The following NOD1 variants were observed in gnomAD, a reference collection of about 807,000 sequenced individuals.
NOD1 encodes the protein nucleotide binding oligomerization domain containing 1, also known as nucleotide-binding oligomerization domain-containing protein 1.
NOD1 carries 70 observed loss-of-function variants against 81.2 expected under a neutral mutation model. The observed-to-expected ratio is 0.86, with a 90% CI of 0.71 to 1.05. The LOEUF is 1.05. Among genes scored for constraint, NOD1 ranks in the 50% least tolerant of loss-of-function variants. The pLI is 0.00. For missense variants in NOD1, 1,233 were observed against 1,228.0 expected (o/e 1.00, Z -0.06); for synonymous variants, 508 against 526.9 (o/e 0.96, Z 0.49).
chr7:30,425,807 CACACAAT>C, intron 13 of NOD1, 97 bp from the exon 14 acceptor site: 1 of 814,782 alleles, frequency 1.2e-6, no homozygotes, highest in South Asian at 1.3e-5. Context: ...ACTCGTGTAT[CACACAAT>C]ACACATGTAT....
intron 12 of NOD1, among the ~76,000 whole-genome samples, chr7:30,430,897 A>G (rs1010067959): frequency 6.6e-6 from 1 of 152,216 alleles, no homozygotes; most frequent in African/African-American, 2.4e-5. Flanking sequence ...TGGCAGAGGT[A>G]ATGACCTTCC....
chr7:30,438,392 T>C (rs1313911893), intron 9 of NOD1, among the ~76,000 whole-genome samples: 1 of 152,216 alleles, frequency 6.6e-6, no homozygotes, highest in Admixed American at 6.5e-5. Context: ...GCCCCATCTA[T>C]AAAATGGGGA....
At position 30,451,351 on chromosome 7, in the gene NOD1, G is replaced by T. The variant is rs781181992; in HGVS notation, c.2066C>A (p.Ser689Ter). The change falls in exon 6 of 14, where the codon TCG (serine) becomes TAG (stop). Residue 689 changes from serine (S) to a stop codon, truncating the protein, a stop_gained. Transcript: ENST00000222823. LOFTEE classifies it high-confidence loss of function. The surrounding 1 kb of genome is among the most constrained non-coding windows in gnomAD (Gnocchi z 4.2). ...GAAGGAGAGGGCGCTGCAGTCGGCC[G>T]AGCAGGCGTTGCAGTAGGTCAGCTT... ...YLKLTYCNAC[S>*]ADCSALSFVL... The T allele has an allele frequency of 1.2e-6, 2 of 1,614,178 alleles. No individual in the cohort carries two copies. The highest frequency in any genetic ancestry group is 3.3e-5 in the Admixed American group (2 of 60,036).
chr7:30,430,336 T>C (rs888466183), intron 12 of NOD1, among the ~76,000 whole-genome samples: 7 of 152,194 alleles, frequency 4.6e-5, no homozygotes, highest in African/African-American at 1.7e-4. Context: ...AAGCCAGGCC[T>C]CTCCTGAAAT....
In NOD1 at chr7:30,452,024, G is replaced by A. The variant is rs756351633; in HGVS notation, c.1393C>T (p.Gln465Ter). The A allele has an allele frequency of 4.3e-6, 7 of 1,613,360 alleles. No homozygotes were observed. Among genetic ancestry groups the A allele is most frequent in the Non-Finnish European group, 8.5e-7 (1 of 1,179,968 alleles). ...AGRDTLCSLGQVAHRGMEKSL... is the reference protein window; with the variant it reads ...AGRDTLCSLG The stretch of plus-strand genomic sequence containing the variant: ...TTCTCCATGCCCCGGTGGGCCACCT[G>A]CCCCAGCGAGCACAGAGTGTCCCGG... The change falls in exon 6 of 14, where the codon CAG becomes TAG. Residue 465 changes from glutamine to a stop codon, truncating the protein, a stop_gained. Transcript: ENST00000222823. LOFTEE classifies it high-confidence loss of function.
intron 1 of NOD1, among the ~76,000 whole-genome samples, chr7:30,463,360 TAG>T (rs1008005674): frequency 6.6e-6 from 1 of 151,564 alleles, no homozygotes; most frequent in African/African-American, 2.4e-5. Flanking sequence ...GAACACTAAA[TAG>T]AGTTTTTCAG....
chr7:30,430,640 TGAA>T (rs1301164955), intron 12 of NOD1, among the ~76,000 whole-genome samples: 2 of 152,168 alleles, frequency 1.3e-5, no homozygotes, highest in African/African-American at 4.8e-5. Flanking sequence ...TACAGAACCT[TGAA>T]GAAATAAACG....
In NOD1 at chr7:30,424,618, A is replaced by G. The variant is rs1783301727; in HGVS notation, c.*1020T>C. ...CCCCCACCCTCATGGAGCAGCCACC[A>G]CAAGCCCACCATGGTGGGGGGTGTC... On this transcript the variant is annotated 3_prime_UTR_variant, in exon 14 of 14. Transcript: ENST00000222823. The G allele has an allele frequency of 6.6e-6, 1 of 151,854 alleles. No homozygotes were observed. Among genetic ancestry groups the G allele is most frequent in the South Asian group, 2.1e-4 (1 of 4,824 alleles). The allele number at this position is 151,854 out of a possible 1,614,324, so 9.4% of individuals were successfully genotyped here. A position where few individuals can be genotyped will look rare whatever the true frequency, so the allele number is the denominator to read the frequency against.
In NOD1 at chr7:30,452,306, G is replaced by C. The variant is rs1175295753; in HGVS notation, c.1111C>G (p.Gln371Glu). The C allele has an allele frequency of 5.6e-6, 9 of 1,613,336 alleles. No homozygotes were observed. The highest frequency in any genetic ancestry group is 7.6e-6 in the Non-Finnish European group (9 of 1,179,946). ...ARRMFPERAL[Q>E]DRLLSQLEAN... ...TCCAGCTGGCTCAGCAGGCGGTCCTGCAGGGCCCGCTCGGGGAACATCCTC... is the reference window on the plus strand; with the variant it reads ...TCCAGCTGGCTCAGCAGGCGGTCCTCCAGGGCCCGCTCGGGGAACATCCTC... Residue 371 changes from glutamine (Q) to glutamate (E), a missense_variant, in exon 6 of 14, where the codon CAG becomes GAG. Transcript: ENST00000222823.
chr7:30,458,118 C>T (rs549616093), intron 3 of NOD1, among the ~76,000 whole-genome samples: 1 of 152,216 alleles, frequency 6.6e-6, no homozygotes, highest in South Asian at 2.1e-4. Flanking sequence ...AACAGGGACC[C>T]AGGCTATTTT....
rs917764972 is a variant in NOD1 at position 30,446,981 on chromosome 7, G to A, written c.2355C>T (p.Gly785=). 3.1e-6 allele frequency: 5 copies of A among 1,613,926 alleles called. No individual in the cohort carries two copies. Among genetic ancestry groups the A allele is most frequent in the Non-Finnish European group, 4.2e-6 (5 of 1,179,806 alleles). Residue 785 remains glycine (G), a synonymous_variant, in exon 8 of 14, where the codon GGC becomes GGT. Transcript: ENST00000222823. ...YVTKILDECK[G]LTHLKLGKNK... ...ACCCCACTTACTTAAGATGCGTGAGGCCTTTGCATTCATCCAGGATTTTGG... is the reference window on the plus strand; with the variant it reads ...ACCCCACTTACTTAAGATGCGTGAGACCTTTGCATTCATCCAGGATTTTGG...
chr7:30,451,548 G>A lies in NOD1; in HGVS notation c.1869C>T (p.His623=), dbSNP rs150155842. The change falls in exon 6 of 14, where the codon CAC becomes CAT. Residue 623 remains histidine (H), a synonymous_variant. Coordinates refer to ENST00000222823, the MANE Select transcript of NOD1 (RefSeq NM_006092.4). This position sits in a 1 kb window ranked among gnomAD's most constrained non-coding sequence, Gnocchi z 4.2. ...LRRKRKALWA[H]LFSSLRGYLK... ...GGTAGCCCCGCAGGCTGGAAAACAG[G>A]TGTGCCCACAGGGCCTTGCGCTTTC... 141 of 1,613,260 alleles carry A rather than the reference G, an allele frequency of 8.7e-5. No homozygotes were observed. The highest frequency in any genetic ancestry group is 1.1e-4 in the Non-Finnish European group (127 of 1,179,774).
rs754944680 is a variant in NOD1 at position 30,452,775 on chromosome 7, C to T, written c.642G>A (p.Arg214=). 4 of 1,614,118 alleles carry T rather than the reference C, an allele frequency of 2.5e-6. No homozygotes were observed. Among genetic ancestry groups the T allele is most frequent in the Non-Finnish European group, 3.4e-6 (4 of 1,180,036 alleles). ...AGVGKSMLLQ[R]LQSLWATGRL... The stretch of plus-strand genomic sequence containing the variant: ...GGCCCGTGGCCCAGAGGCTCTGCAG[C>T]CGCTGTAGCAGCATGGACTTGCCCA... Residue 214 remains arginine (R), a synonymous_variant, in exon 6 of 14, where the codon CGG becomes CGA. Coordinates refer to ENST00000222823, the MANE Select transcript of NOD1 (RefSeq NM_006092.4).
At chr7:30,472,659 G>T (rs557391825) in intron 1 of NOD1, among the ~76,000 whole-genome samples, 3 of 152,348 alleles carry the variant, frequency 2.0e-5, no homozygotes, top group African/African-American at 7.2e-5. Context: ...ATGAGGTCGT[G>T]GGGGTGGAGC....
At chr7:30,431,226 G>C (rs886098990) in intron 12 of NOD1, among the ~76,000 whole-genome samples, 12 of 135,136 alleles carry the variant, frequency 8.9e-5, no homozygotes, top group African/African-American at 3.3e-4. Context: ...TAGGGAATGG[G>C]ATCAAATAAT....
chr7:30,462,711 G>A (rs1430419073), intron 1 of NOD1, among the ~76,000 whole-genome samples: 1 of 152,128 alleles, frequency 6.6e-6, no homozygotes, highest in Non-Finnish European at 1.5e-5. Flanking sequence ...CACTTTGGGA[G>A]GCCAAGGCAG....
intron 10 of NOD1, among the ~76,000 whole-genome samples, chr7:30,437,248 A>G (rs1583683299): frequency 6.6e-6 from 1 of 152,292 alleles, no homozygotes; most frequent in East Asian, 1.9e-4. Context: ...GGGGAGGGCA[A>G]GCATTAGGAC....
intron 13 of NOD1, 34 bp downstream of exon 13, chr7:30,429,338 CTG>C: frequency 6.5e-7 from 1 of 1,550,122 alleles, no homozygotes. Context: ...TAAACAGTCA[CTG>C]GTGTTATTAC....
chr7:30,426,710 C>T (rs1783486298), intron 13 of NOD1, among the ~76,000 whole-genome samples: 1 of 152,144 alleles, frequency 6.6e-6, no homozygotes, highest in Non-Finnish European at 1.5e-5. Context: ...CCCTGCCTAT[C>T]TCCTCAGCCT....
Sources: gnomAD v4.1 joint callset for allele counts (sites outside exome capture counted in the v4.1 genomes callset) on GRCh38, gnomAD v4.1.1 for gene constraint, Gnocchi (gnomAD v3.1) non-coding constraint, MANE v1.5 for transcripts, NCBI Gene and HGNC (gene_info 2026-07-23, HGNC 2026-07-21) for gene names.